The following DIPK2B variants were observed in gnomAD, a reference collection of about 807,000 sequenced individuals.
The protein encoded by DIPK2B is divergent protein kinase domain 2B.
Under a neutral mutation model 22.2 loss-of-function variants are expected in DIPK2B, and 15 were observed. The ratio of observed to expected loss-of-function variants is 0.68; its 90% CI spans 0.45 to 1.04. The LOEUF is 1.04. DIPK2B is among the 50% of genes least tolerant of loss of function. The pLI is 0.00. For synonymous variants in DIPK2B, 163 were observed against 153.2 expected (o/e 1.06, Z -0.47); for missense variants, 345 against 348.3 (o/e 0.99, Z 0.08).
chrX:45,172,557 C>T (rs892082909), intron 2 of DIPK2B, among the ~76,000 whole-genome samples: 3 of 111,189 alleles, frequency 2.7e-5, no homozygotes, highest in African/African-American at 6.6e-5. Context: ...TCTTTCCTCT[C>T]GCCTCCCACT....
chrX:45,166,921 G>A (rs1253522797), intron 2 of DIPK2B, among the ~76,000 whole-genome samples: 1 of 111,953 alleles, frequency 8.9e-6, no homozygotes, highest in African/African-American at 3.2e-5. Flanking sequence ...GCTCACCCAG[G>A]GAGAAGAAGA....
intron 4 of DIPK2B, among the ~76,000 whole-genome samples, chrX:45,152,387 A>G (rs901006426): frequency 1.8e-5 from 2 of 110,075 alleles, no homozygotes; most frequent in Non-Finnish European, 1.9e-5. Context: ...GTGAACTAGT[A>G]TAGTCTCCTA....
intron 2 of DIPK2B, among the ~76,000 whole-genome samples, chrX:45,187,006 A>T (rs764102224): frequency 1.7e-4 from 19 of 112,881 alleles, no homozygotes; most frequent in South Asian, 3.6e-4. Context: ...TATGCATTTT[A>T]AAAAATAATG....
rs2047261870 is a variant in DIPK2B, at chrX:45,200,611, G to T, written c.216C>A (p.Phe72Leu). The change falls in exon 1 of 5, where the codon TTC becomes TTA. Residue 72 changes from phenylalanine (F) to leucine (L), a missense_variant. Transcript: ENST00000398000. ...ACIGTSICKK[F>L]FKEEIRSDNW... The stretch of plus-strand genomic sequence containing the variant: ...ATTCTGACCTTATTTCTTCTTTAAA[G>T]AACTTCTTGCAAATAGATGTCCCGA... 8.3e-7 allele frequency: 1 copy of T among 1,209,564 alleles called. No individual in the cohort carries two copies. The highest frequency in any genetic ancestry group is 1.1e-6 in the Non-Finnish European group (1 of 894,145).
At position 45,182,421 on chromosome X, in the gene DIPK2B, C is replaced by A. The variant is rs191499764; in HGVS notation, c.498+9330G>T. ...AGTAAGTGTTGATGAAGATATGAAA[C>A]AATGGAACTCTTTCTCCCATTGCTA... On this transcript the variant is annotated intron_variant, in intron 2 of 4. Coordinates refer to ENST00000398000, the MANE Select transcript of DIPK2B (RefSeq NM_176819.4). Among the ~76,000 whole-genome samples, 191 of 112,322 alleles carry A rather than the reference C, an allele frequency of 1.7e-3. 1 individual carries two copies. Among genetic ancestry groups the A allele is most frequent in the African/African-American group, 6.0e-3 (187 of 30,940 alleles).
chrX:45,184,403 T>C (rs1379392552), intron 2 of DIPK2B, among the ~76,000 whole-genome samples: 2 of 111,981 alleles, frequency 1.8e-5, no homozygotes, highest in Non-Finnish European at 3.8e-5. Context: ...ATGTTAGAGT[T>C]CAAATTGCTG....
rs758467688 is a variant in DIPK2B at position 45,151,653 on chromosome X, C to T, written c.1301G>A (p.Ter434=). The T allele has an allele frequency of 2.1e-5, 25 of 1,207,708 alleles. No homozygotes were observed. Among genetic ancestry groups the T allele is most frequent in the Non-Finnish European group, 2.8e-5 (25 of 893,690 alleles). Residue 434 remains the stop codon, a stop_retained_variant, in exon 5 of 5, where the codon TGA becomes TAA. Transcript: ENST00000398000. The part of the protein sequence containing the change: ...YPDCKYNDKF[*] ...CAAGGCCAGCTAGACACCAGCCCTT[C>T]AGAACTTATCGTTATATTTGCAATC...
chrX:45,184,331 T>C (rs1013308088), intron 2 of DIPK2B, among the ~76,000 whole-genome samples: 1 of 111,883 alleles, frequency 8.9e-6, no homozygotes, highest in Admixed American at 9.5e-5. Flanking sequence ...CTGAAGGTAG[T>C]GAGTTTCCTG....
In DIPK2B at chrX:45,163,375, C is replaced by T. The variant is rs143570142; in HGVS notation, c.499-5487G>A. On this transcript the variant is annotated intron_variant, in intron 2 of 4. Transcript: ENST00000398000. ...TTCTGTTTCTCTGGTAGAACCCTGC[C>T]TGATACACTAGCTAAAGGAAAAACA... 84 of 747,111 alleles carry T rather than the reference C, an allele frequency of 1.1e-4. 1 individual carries two copies. In the East Asian group the frequency reaches 7.2e-3, roughly 64 times the overall value. The allele number at this position is 747,111 out of a possible 1,213,427, so 61.6% of individuals were successfully genotyped here.
intron 2 of DIPK2B, among the ~76,000 whole-genome samples, chrX:45,181,206 G>A (rs1007597557): frequency 2.7e-5 from 3 of 111,742 alleles, no homozygotes; most frequent in African/African-American, 9.8e-5. Context: ...TGAAAACCAT[G>A]AAACAGTGAG....
At chrX:45,161,016 T>C (rs747559153) in intron 2 of DIPK2B, among the ~76,000 whole-genome samples, 18 of 111,494 alleles carry the variant, frequency 1.6e-4, no homozygotes, top group Non-Finnish European at 3.2e-4. Flanking sequence ...CAATGAGATA[T>C]AAGTAAAAAT....
intron 2 of DIPK2B, among the ~76,000 whole-genome samples, chrX:45,178,272 G>A (rs772606624): frequency 1.8e-5 from 2 of 111,921 alleles, no homozygotes; most frequent in African/African-American, 6.5e-5. Flanking sequence ...AATAAAGCCG[G>A]ATTCTCAAAA....
In DIPK2B at chrX:45,157,846, G is replaced by A. The variant is rs764113239; in HGVS notation, c.541C>T (p.Leu181=). The part of the protein sequence containing the change: ...PLLRCPSQRL[L]DRVVRRYAEV... ...GCATAGCGCCTGACCACGCGATCCAGGAGTCGCTGCGAAGGGCAGCGCAGG... is the reference window on the plus strand; with the variant it reads ...GCATAGCGCCTGACCACGCGATCCAAGAGTCGCTGCGAAGGGCAGCGCAGG... The change falls in exon 3 of 5, where the codon CTG becomes TTG. Residue 181 remains leucine, a synonymous_variant. Coordinates refer to ENST00000398000, the MANE Select transcript of DIPK2B (RefSeq NM_176819.4). 3.9e-5 allele frequency: 45 copies of A among 1,163,752 alleles called. No individual in the cohort carries two copies. The East Asian group carries it at 1.2e-3, about 30-fold the overall frequency.
In DIPK2B at chrX:45,150,448, C is replaced by T. The variant is rs911204483; in HGVS notation, c.*1204G>A. On this transcript the variant is annotated 3_prime_UTR_variant, in exon 5 of 5. Coordinates refer to ENST00000398000, the MANE Select transcript of DIPK2B (RefSeq NM_176819.4). ...TTTTCTGATGAGTGACCTGTAAGGC[C>T]AAGTTTGAATGAAAATTCCTAGACT... 1.8e-5 allele frequency: 2 copies of T among 111,871 alleles called. No homozygotes were observed. Among genetic ancestry groups the T allele is most frequent in the African/African-American group, 6.5e-5 (2 of 30,743 alleles). 9.2% of individuals were successfully genotyped at this position (111,871 alleles called of 1,213,427 possible).
In DIPK2B at chrX:45,162,482, C is replaced by T. The variant is rs372136727; in HGVS notation, c.499-4594G>A. 1.7e-5 allele frequency: 13 copies of T among 752,519 alleles called. No individual in the cohort carries two copies. The East Asian group carries it at 1.2e-3, about 70-fold the overall frequency. The allele number at this position is 752,519 out of a possible 1,213,427, so 62.0% of individuals were successfully genotyped here. On this transcript the variant is annotated intron_variant, in intron 2 of 4. Coordinates refer to ENST00000398000, the MANE Select transcript of DIPK2B (RefSeq NM_176819.4). ...CAGCTCCTCCCCAAGGTCCCACTTA[C>T]AGAGTGAGACCTTTGTCTACTTCTG...
intron 3 of DIPK2B, 37 bp downstream of exon 3, chrX:45,157,678 A>AC (rs1336265209): frequency 1.7e-6 from 2 of 1,150,298 alleles, no homozygotes; most frequent in Admixed American, 2.5e-5. Flanking sequence ...TCCAAGATTG[A>AC]CCCCCAACCT....
At chrX:45,166,492 A>G (rs2047049659) in intron 2 of DIPK2B, among the ~76,000 whole-genome samples, 1 of 110,977 alleles carries the variant, frequency 9.0e-6, no homozygotes, top group African/African-American at 3.3e-5. Context: ...GGGGGATGAC[A>G]GTGTCTTTTC....
intron 2 of DIPK2B, among the ~76,000 whole-genome samples, chrX:45,190,022 A>T (rs1291876520): frequency 2.7e-5 from 3 of 112,280 alleles, no homozygotes; most frequent in Non-Finnish European, 5.6e-5. Context: ...ATGTAATGCA[A>T]GATGACAAAA....
intron 2 of DIPK2B, among the ~76,000 whole-genome samples, chrX:45,184,530 T>C (rs2047171012): frequency 8.9e-6 from 1 of 111,904 alleles, no homozygotes; most frequent in Admixed American, 9.5e-5. Context: ...CTCTCATATA[T>C]AAACCAGGAA....
Sources: gnomAD v4.1 joint callset for allele counts (sites outside exome capture counted in the v4.1 genomes callset) on GRCh38, gnomAD v4.1.1 for gene constraint, MANE v1.5 for transcripts, NCBI Gene and HGNC (gene_info 2026-07-23, HGNC 2026-07-21) for gene names.